COL6A6: variants seen among roughly 807,000 people sequenced by gnomAD.
COL6A6 encodes the protein collagen alpha-6(VI) chain.
COL6A6 carries 183 observed loss-of-function variants against 208.6 expected under a neutral mutation model. That is an observed-to-expected ratio of 0.88 (90% CI 0.78 to 0.99). The LOEUF (loss-of-function observed/expected upper bound fraction) is 0.99, where lower values mean the gene tolerates loss of function less well. COL6A6 is among the 50% of genes least tolerant of loss of function. COL6A6 has a pLI of 0.00. For synonymous variants in COL6A6, 973 were observed against 1,011.8 expected (o/e 0.96, Z 0.73); for missense variants, 2,816 against 2,815.2 (o/e 1.00, Z -0.01).
intron 1 of COL6A6, among the ~76,000 whole-genome samples, chr3:130,546,896 A>G (rs2062518094): frequency 3.2e-5 from 3 of 94,404 alleles, no homozygotes; most frequent in Non-Finnish European, 7.4e-5. Flanking sequence ...TGGTGCATTT[A>G]CAAACCTTAT....
intron 1 of COL6A6, among the ~76,000 whole-genome samples, chr3:130,543,811 G>A (rs996739610): frequency 4.6e-5 from 7 of 152,216 alleles, no homozygotes; most frequent in Admixed American, 1.3e-4. Context: ...TTTTATGTAT[G>A]AGTTTCTGAC....
intron 1 of COL6A6, among the ~76,000 whole-genome samples, chr3:130,542,294 T>G (rs2062386939): frequency 6.6e-6 from 1 of 152,204 alleles, no homozygotes; most frequent in South Asian, 2.1e-4. Context: ...CTCATTTTAT[T>G]TGGAAGTATG....
chr3:130,634,954 G>T (rs1156394501), intron 27 of COL6A6, among the ~76,000 whole-genome samples: 1 of 152,026 alleles, frequency 6.6e-6, no homozygotes, highest in Non-Finnish European at 1.5e-5. Context: ...ATAATGTAAG[G>T]CCAGGCGTGG....
chr3:130,581,242 T>C (rs1161333803), intron 8 of COL6A6, among the ~76,000 whole-genome samples: 2 of 152,184 alleles, frequency 1.3e-5, no homozygotes, highest in Non-Finnish European at 2.9e-5. Flanking sequence ...TTTAGACTAA[T>C]GACATTTCCA....
chr3:130,591,569 G>C (rs949826545), intron 13 of COL6A6, among the ~76,000 whole-genome samples: 8 of 151,926 alleles, frequency 5.3e-5, no homozygotes, highest in Admixed American at 5.2e-4. Context: ...TCATTCATTG[G>C]TTCATTCAAC....
intron 1 of COL6A6, among the ~76,000 whole-genome samples, chr3:130,535,146 TA>T (rs2062194018): frequency 6.6e-6 from 1 of 152,024 alleles, no homozygotes; most frequent in South Asian, 2.1e-4. Flanking sequence ...CTATTCCTAT[TA>T]GACCCATGTC....
At chr3:130,554,063 C>T (rs1487182334) in intron 1 of COL6A6, among the ~76,000 whole-genome samples, 1 of 152,150 alleles carries the variant, frequency 6.6e-6, no homozygotes, top group African/African-American at 2.4e-5. Flanking sequence ...AGGTTAGGAA[C>T]CTACTGTGCT....
At chr3:130,562,826 T>G (rs906877392) in intron 2 of COL6A6, among the ~76,000 whole-genome samples, 1 of 152,242 alleles carries the variant, frequency 6.6e-6, no homozygotes, top group Admixed American at 6.5e-5. Context: ...ACCAATTCCT[T>G]GCAAAAGTTA....
intron 28 of COL6A6, among the ~76,000 whole-genome samples, chr3:130,639,420 C>A (rs549903148): frequency 6.6e-6 from 1 of 152,102 alleles, no homozygotes; most frequent in African/African-American, 2.4e-5. Flanking sequence ...GGGTCAGGTG[C>A]GGTGGCTCAC....
At position 130,644,988 on chromosome 3, in the gene COL6A6, C is replaced by T. The variant is rs2065426289; in HGVS notation, c.5228-3C>T. 2.5e-6 allele frequency: 4 copies of T among 1,611,890 alleles called. No individual in the cohort carries two copies. Among genetic ancestry groups the T allele is most frequent in the Non-Finnish European group, 3.4e-6 (4 of 1,178,122 alleles). The stretch of plus-strand genomic sequence containing the variant: ...TCCAATCTCCTTTGTTCTTCTTCCC[C>T]AGCTGGCAGGCATGGTGAGTAATCT... On this transcript the variant is annotated splice_polypyrimidine_tract_variant and splice_region_variant and intron_variant, in intron 31 of 36. Transcript: ENST00000358511.
chr3:130,625,290 G>A (rs1424422098), intron 24 of COL6A6, among the ~76,000 whole-genome samples: 1 of 152,092 alleles, frequency 6.6e-6, no homozygotes, highest in African/African-American at 2.4e-5. Context: ...CCTTATGTTG[G>A]TTTTCTGTCC....
chr3:130,594,343 C>T lies in COL6A6; in HGVS notation c.4533C>T (p.Pro1511=), dbSNP rs200323352. ...GAGCAAAGGGCCTGCGAGGGGATCC[C>T]GTAAGTGCACGGGCTGCAAACTGGA... ...DRGAKGLRGD[P]GAPGVDSSIE... The change falls in exon 18 of 37, where the codon CCC becomes CCT. Residue 1511 remains proline, a splice_region_variant and synonymous_variant. Coordinates refer to ENST00000358511, the MANE Select transcript of COL6A6 (RefSeq NM_001102608.3). The T allele has an allele frequency of 4.0e-5, 65 of 1,612,012 alleles. No individual in the cohort carries two copies. In the African/African-American group the frequency reaches 4.5e-4, roughly 11 times the overall value.
chr3:130,629,088 C>G (rs1398376831), intron 26 of COL6A6, among the ~76,000 whole-genome samples: 1 of 45,282 alleles, frequency 2.2e-5, no homozygotes, highest in East Asian at 5.1e-4. Flanking sequence ...TTCAGACGAT[C>G]AAATTACTCT....
intron 8 of COL6A6, among the ~76,000 whole-genome samples, chr3:130,574,893 G>T (rs151208482): frequency 6.6e-6 from 1 of 152,138 alleles, no homozygotes; most frequent in Non-Finnish European, 1.5e-5. Context: ...TGGCAATACG[G>T]CCTATAGGGC....
intron 33 of COL6A6, among the ~76,000 whole-genome samples, chr3:130,656,671 CCTGT>C (rs1021357191): frequency 6.6e-5 from 10 of 152,220 alleles, no homozygotes; most frequent in African/African-American, 2.2e-4. Context: ...CACACAGAGG[CCTGT>C]CTGCCTCCTT....
chr3:130,649,561 C>T lies in COL6A6; in HGVS notation c.5732C>T (p.Ala1911Val), dbSNP rs770930371. Reference sequence around the variant, plus strand: ...GTGCCCTCGGTCAGGCGCGCATTTGCGGTATGAGGATGAAACCTTTCACAT... The same window carrying T: ...GTGCCCTCGGTCAGGCGCGCATTTGTGGTATGAGGATGAAACCTTTCACAT... Reference protein sequence around the residue: ...SNVPSVRRAFAIDDTGTFQVI... With the variant: ...SNVPSVRRAFVIDDTGTFQVI... Residue 1911 changes from alanine (A) to valine (V), a missense_variant and splice_region_variant, in exon 33 of 37, where the codon GCG (alanine) becomes GTG (valine). Transcript: ENST00000358511. 1.9e-6 allele frequency: 3 copies of T among 1,577,392 alleles called. No individual in the cohort carries two copies. The highest frequency in any genetic ancestry group is 2.3e-5 in the East Asian group (1 of 43,920).
chr3:130,656,777 C>T (rs1259141802), intron 33 of COL6A6, among the ~76,000 whole-genome samples: 3 of 152,212 alleles, frequency 2.0e-5, no homozygotes. Flanking sequence ...GACTCCCTCT[C>T]GTGCTTGTTA....
At chr3:130,522,538 G>C (rs1711132797) in intron 1 of COL6A6, among the ~76,000 whole-genome samples, 1 of 152,148 alleles carries the variant, frequency 6.6e-6, no homozygotes, top group Admixed American at 6.5e-5. Context: ...TTATTTATCA[G>C]TGATTTTCTA....
intron 20 of COL6A6, among the ~76,000 whole-genome samples, chr3:130,601,645 C>T (rs913631906): frequency 1.1e-4 from 16 of 152,330 alleles, no homozygotes; most frequent in African/African-American, 3.1e-4. Flanking sequence ...ACACCACTCC[C>T]ATGAAATATG....
Sources: gnomAD v4.1 joint callset for allele counts (sites outside exome capture counted in the v4.1 genomes callset) on GRCh38, gnomAD v4.1.1 for gene constraint, MANE v1.5 for transcripts, NCBI Gene and HGNC (gene_info 2026-07-23, HGNC 2026-07-21) for gene names.